NDUFV3: variants seen among roughly 807,000 people sequenced by gnomAD.
NDUFV3 encodes NADH:ubiquinone oxidoreductase subunit V3, also known as NADH dehydrogenase [ubiquinone] flavoprotein 3, mitochondrial.
A neutral mutation model predicts 37.5 loss-of-function variants in NDUFV3; 44 were observed. The ratio of observed to expected loss-of-function variants is 1.17; its 90% confidence interval spans 0.92 to 1.51. NDUFV3 has a LOEUF of 1.51. Among genes scored for constraint, NDUFV3 ranks in the 40% most tolerant of loss-of-function variants. The pLI, the probability that NDUFV3 is intolerant of heterozygous loss-of-function variation, is 0.00. For missense variants in NDUFV3, 580 were observed against 580.4 expected (o/e 1.00, Z 0.01); for synonymous variants, 235 against 239.3 (o/e 0.98, Z 0.17).
chr21:42,913,089 A>G lies in NDUFV3; in HGVS notation c.*4068A>G, dbSNP rs925592027. 1 of 152,196 alleles carries G rather than the reference A, an allele frequency of 6.6e-6. No individual in the cohort carries two copies. The highest frequency in any genetic ancestry group is 2.4e-5 in the African/African-American group (1 of 41,452). 9.4% of individuals were successfully genotyped at this position (152,196 alleles called of 1,614,324 possible). Reference sequence around the variant, plus strand: ...AAAAAATAAATTAATTAATTAAATTAAATAAGTGGGTGTTTTAAGTGCTCA... The same window carrying G: ...AAAAAATAAATTAATTAATTAAATTGAATAAGTGGGTGTTTTAAGTGCTCA... On this transcript the variant is annotated 3_prime_UTR_variant, in exon 4 of 4. Coordinates refer to ENST00000354250, the MANE Select transcript of NDUFV3 (RefSeq NM_021075.4).
intron 3 of NDUFV3, 52 bp from the exon 4 acceptor site, chr21:42,908,812 C>G: frequency 1.2e-6 from 2 of 1,609,518 alleles, no homozygotes; most frequent in Non-Finnish European, 8.5e-7. Flanking sequence ...CCGAGTCATT[C>G]ATAAAGAGCT....
At chr21:42,908,297 G>A (rs1032648219) in intron 3 of NDUFV3, among the ~76,000 whole-genome samples, 8 of 150,968 alleles carry the variant, frequency 5.3e-5, no homozygotes, top group African/African-American at 2.0e-4. Context: ...AACAGAGTGA[G>A]ACTCCATCTC....
In NDUFV3 at chr21:42,911,666, A is replaced by C. The variant is rs1441628767; in HGVS notation, c.*2645A>C. On this transcript the variant is annotated 3_prime_UTR_variant, in exon 4 of 4. Coordinates refer to ENST00000354250, the MANE Select transcript of NDUFV3 (RefSeq NM_021075.4). ...AGATCTGCCTGCCTCGGCCCCAGAA[A>C]GTTCTGGGATTGCAGGCGTGAGCCC... 2 of 152,016 alleles carry C rather than the reference A, an allele frequency of 1.3e-5. No homozygotes were observed. The highest frequency in any genetic ancestry group is 2.9e-5 in the Non-Finnish European group (2 of 68,024). The allele number at this position is 152,016 out of a possible 1,614,324, so 9.4% of individuals were successfully genotyped here.
rs948082709 is a variant in NDUFV3 at position 42,906,727 on chromosome 21, C to T, written c.1265-2137C>T. 14 of 391,252 alleles carry T rather than the reference C, an allele frequency of 3.6e-5. 1 individual carries two copies. Among genetic ancestry groups the T allele is most frequent in the South Asian group, 2.7e-4 (14 of 52,444 alleles). 24.2% of individuals were successfully genotyped at this position (391,252 alleles called of 1,614,324 possible). On this transcript the variant is annotated intron_variant, in intron 3 of 3. Transcript: ENST00000354250. ...CCGCGGTCTCACTAGGCAGTCCGTG[C>T]CCCAGTACTGGCCTTCCAGGTAGAG... is the stretch of plus-strand genomic sequence containing the variant.
chr21:42,904,033 C>A lies in NDUFV3; in HGVS notation c.1021C>A (p.Pro341Thr). Reference sequence around the variant, plus strand: ...GCATCTGGAAAAACCCGTGCCAGAGCCCCAGCGCAAGGCGGCCCCTCCCCT... The same window carrying A: ...GCATCTGGAAAAACCCGTGCCAGAGACCCAGCGCAAGGCGGCCCCTCCCCT... ...EGHLEKPVPE[P>T]QRKAAPPLPR... Residue 341 changes from proline (P) to threonine (T), a missense_variant, in exon 3 of 4, where the codon CCC becomes ACC. Pro to Thr is a conservative substitution (Grantham distance 38). Transcript: ENST00000354250. 1.2e-6 allele frequency: 2 copies of A among 1,614,146 alleles called. No individual in the cohort carries two copies. The highest frequency in any genetic ancestry group is 1.7e-6 in the Non-Finnish European group (2 of 1,179,996).
chr21:42,896,788 A>G, intron 1 of NDUFV3, 139 bp from the exon 2 acceptor site: 3 of 788,230 alleles, frequency 3.8e-6, no homozygotes, highest in Non-Finnish European at 5.8e-6. Context: ...GCAGTGAGCC[A>G]TGATTGTGCC....
chr21:42,911,756 T>G lies in NDUFV3; in HGVS notation c.*2735T>G, dbSNP rs1469302787. 1 of 152,206 alleles carries G rather than the reference T, an allele frequency of 6.6e-6. No individual in the cohort carries two copies. Among genetic ancestry groups the G allele is most frequent in the Non-Finnish European group, 1.5e-5 (1 of 68,040 alleles). The allele number at this position is 152,206 out of a possible 1,614,324, so 9.4% of individuals were successfully genotyped here. A position where few individuals can be genotyped will look rare whatever the true frequency, so the allele number is the denominator to read the frequency against. ...GTGGTGGTAGGTGTAACCATTTTAA[T>G]GTACCTACAACTTTTCTATCCTGCT... On this transcript the variant is annotated 3_prime_UTR_variant, in exon 4 of 4. Transcript: ENST00000354250.
intron 3 of NDUFV3, among the ~76,000 whole-genome samples, chr21:42,907,622 T>C (rs1418585978): frequency 6.6e-6 from 1 of 152,106 alleles, no homozygotes; most frequent in Non-Finnish European, 1.5e-5. Flanking sequence ...TGCTAACTTT[T>C]GTAACTTTAG....
At chr21:42,905,598 C>T (rs1255773456) in intron 3 of NDUFV3, among the ~76,000 whole-genome samples, 1 of 152,110 alleles carries the variant, frequency 6.6e-6, no homozygotes, top group African/African-American at 2.4e-5. Flanking sequence ...TCACTGTAAC[C>T]TCCGCCTCCT....
chr21:42,899,679 G>A (rs1159869555), intron 2 of NDUFV3, among the ~76,000 whole-genome samples: 2 of 152,092 alleles, frequency 1.3e-5, no homozygotes, highest in East Asian at 1.9e-4. Flanking sequence ...TCTTGACCTC[G>A]TGATCCGTCC....
At chr21:42,906,090 C>A (rs1360183952) in intron 3 of NDUFV3, among the ~76,000 whole-genome samples, 3 of 152,004 alleles carry the variant, frequency 2.0e-5, no homozygotes, top group Non-Finnish European at 4.4e-5. Flanking sequence ...TCTCGAACTC[C>A]TGACCGCGGG....
chr21:42,903,793 C>A lies in NDUFV3; in HGVS notation c.781C>A (p.Gln261Lys). The change falls in exon 3 of 4, where the codon CAA becomes AAA. Residue 261 changes from glutamine to lysine, a missense_variant. Transcript: ENST00000354250. ...TCAAGTAGATGAAGAGTTTTTGAAG[C>A]AAAGTTTAAAGGAAAAACAATTGCA... ...RSQVDEEFLK[Q>K]SLKEKQLQKT... 1 of 1,614,032 alleles carries A rather than the reference C, an allele frequency of 6.2e-7. No homozygotes were observed. Among genetic ancestry groups the A allele is most frequent in the Non-Finnish European group, 8.5e-7 (1 of 1,180,008 alleles).
At chr21:42,894,062 A>G (rs1378641859) in intron 1 of NDUFV3, among the ~76,000 whole-genome samples, 1 of 151,144 alleles carries the variant, frequency 6.6e-6, no homozygotes, top group African/African-American at 2.4e-5. Context: ...AAAAATACAA[A>G]AAATTAGTCT....
At chr21:42,896,896 A>G (rs2058693956) in intron 1 of NDUFV3, 31 bp from the exon 2 acceptor site, 9 of 1,601,806 alleles carry the variant, frequency 5.6e-6, no homozygotes, top group Non-Finnish European at 6.8e-6. Flanking sequence ...GCATTACTCT[A>G]AACATCCATA....
intron 2 of NDUFV3, 86 bp from the exon 3 acceptor site, chr21:42,903,096 A>T: frequency 6.5e-7 from 1 of 1,533,232 alleles, no homozygotes; most frequent in Non-Finnish European, 8.9e-7. Context: ...TGTCAGTAAT[A>T]AGTAATGTGT....
At position 42,909,447 on chromosome 21, in the gene NDUFV3, C is replaced by T. The variant is rs1158045947; in HGVS notation, c.*426C>T. 10 of 255,864 alleles carry T rather than the reference C, an allele frequency of 3.9e-5. No homozygotes were observed. The South Asian group carries it at 4.5e-4, about 12-fold the overall frequency. The allele number at this position is 255,864 out of a possible 1,614,324, so 15.8% of individuals were successfully genotyped here. A position where few individuals can be genotyped will look rare whatever the true frequency, so the allele number is the denominator to read the frequency against. ...GTGAGCCACTGCGCCCGGCCACTTT[C>T]ACACTTTTTACAGTGAGTGGTGAAT... On this transcript the variant is annotated 3_prime_UTR_variant, in exon 4 of 4. Transcript: ENST00000354250.
chr21:42,894,125 G>A (rs908765080), intron 1 of NDUFV3, among the ~76,000 whole-genome samples: 1 of 149,798 alleles, frequency 6.7e-6, no homozygotes, highest in African/African-American at 2.5e-5. Context: ...TGAGGTGGGA[G>A]GATCCCATGA....
chr21:42,909,520 T>C lies in NDUFV3; in HGVS notation c.*499T>C, dbSNP rs913186964. ...CCAACATATATTTTGGAATATCTACTATGTGCAAGGAATTTTTCTTAAACT... is the reference window on the plus strand; with the variant it reads ...CCAACATATATTTTGGAATATCTACCATGTGCAAGGAATTTTTCTTAAACT... On this transcript the variant is annotated 3_prime_UTR_variant, in exon 4 of 4. Coordinates refer to ENST00000354250, the MANE Select transcript of NDUFV3 (RefSeq NM_021075.4). The C allele has an allele frequency of 3.0e-5, 6 of 197,002 alleles. No individual in the cohort carries two copies. Among genetic ancestry groups the C allele is most frequent in the African/African-American group, 1.2e-4 (5 of 42,468 alleles). 12.2% of individuals were successfully genotyped at this position (197,002 alleles called of 1,614,324 possible).
intron 2 of NDUFV3, among the ~76,000 whole-genome samples, chr21:42,901,773 C>G (rs778709679): frequency 2.6e-5 from 4 of 152,202 alleles, no homozygotes; most frequent in Non-Finnish European, 5.9e-5. Flanking sequence ...TCTGGAGGGA[C>G]TGACCTGCCT....
Sources: gnomAD v4.1 joint callset for allele counts (sites outside exome capture counted in the v4.1 genomes callset) on GRCh38, gnomAD v4.1.1 for gene constraint, MANE v1.5 for transcripts, NCBI Gene and HGNC (gene_info 2026-07-23, HGNC 2026-07-21) for gene names.